The following PTPRM variants were observed in gnomAD, a reference collection of about 807,000 sequenced individuals.
The protein encoded by PTPRM is receptor-type tyrosine-protein phosphatase mu.
PTPRM carries 47 observed loss-of-function variants against 186.7 expected under a neutral mutation model. That is an observed-to-expected ratio of 0.25 (90% confidence interval 0.20 to 0.32). The LOEUF is 0.32. PTPRM is among the 10% of genes least tolerant of loss of function. The probability of loss-of-function intolerance (pLI) is 1.00; values close to 1 mark genes in which losing one functional copy is unlikely to be tolerated. For synonymous variants in PTPRM, 668 were observed against 674.9 expected (o/e 0.99, Z 0.16); for missense variants, 1,494 against 1,865.0 (o/e 0.80, Z 3.66).
chr18:7,567,598 G>A lies in PTPRM; in HGVS notation c.-221G>A, dbSNP rs973163639. On this transcript the variant is annotated 5_prime_UTR_variant, in exon 1 of 33. Transcript: ENST00000580170. The surrounding 1 kb of genome is among the most constrained non-coding windows in gnomAD (Gnocchi z 4.3). ...CTGCCAGCGGCGCCAGACGCCGAGT[G>A]GGGCCAGGGACAGGGGAGGAGGACC... is the stretch of plus-strand genomic sequence containing the variant. 4 of 400,212 alleles carry A rather than the reference G, an allele frequency of 1.0e-5. No homozygotes were observed. Among genetic ancestry groups the A allele is most frequent in the African/African-American group, 2.1e-5 (1 of 48,336 alleles). 24.8% of individuals were successfully genotyped at this position (400,212 alleles called of 1,614,324 possible).
chr18:7,819,867 G>A (rs1349030384), intron 2 of PTPRM, among the ~76,000 whole-genome samples: 1 of 152,154 alleles, frequency 6.6e-6, no homozygotes, highest in Non-Finnish European at 1.5e-5. Flanking sequence ...AGGGGGACAA[G>A]GGATCTCTTC....
intron 1 of PTPRM, among the ~76,000 whole-genome samples, chr18:7,632,546 C>G (rs768100187): frequency 6.6e-6 from 1 of 152,146 alleles, no homozygotes; most frequent in Non-Finnish European, 1.5e-5. Context: ...ATGAACAGAG[C>G]TTTTGGTTTC....
chr18:7,629,129 C>T (rs144072590), intron 1 of PTPRM, among the ~76,000 whole-genome samples: 20 of 152,188 alleles, frequency 1.3e-4, no homozygotes, highest in African/African-American at 1.7e-4. Flanking sequence ...ATTAAGATGG[C>T]GGGGGTGCCA....
At chr18:8,247,747 T>TG in intron 15 of PTPRM, 98 bp from the exon 16 acceptor site, 2 of 827,334 alleles carry the variant, frequency 2.4e-6, no homozygotes, top group East Asian at 4.9e-5. Flanking sequence ...GGAGTCACCG[T>TG]GGGTAGCATG....
At chr18:7,921,441 C>T (rs1053742832) in intron 4 of PTPRM, among the ~76,000 whole-genome samples, 18 of 149,196 alleles carry the variant, frequency 1.2e-4, no homozygotes, top group African/African-American at 3.7e-4. Flanking sequence ...AGTGCAGTGG[C>T]GCAACCTTGG....
intron 1 of PTPRM, among the ~76,000 whole-genome samples, chr18:7,617,869 C>T (rs570824547): frequency 1.3e-5 from 2 of 152,244 alleles, no homozygotes; most frequent in Middle Eastern, 3.4e-3. Context: ...ATTTGGTTTA[C>T]CTACTCTTGG....
chr18:8,138,770 C>T (rs1436317854), intron 13 of PTPRM, among the ~76,000 whole-genome samples: 1 of 152,172 alleles, frequency 6.6e-6, no homozygotes, highest in Non-Finnish European at 1.5e-5. Context: ...TCCTTTCCCT[C>T]CCGCATCATC....
At chr18:8,359,548 G>T (rs945987135) in intron 23 of PTPRM, among the ~76,000 whole-genome samples, 2 of 152,242 alleles carry the variant, frequency 1.3e-5, no homozygotes, top group African/African-American at 4.8e-5. Flanking sequence ...GGCCTCTGTT[G>T]TGTCACTCTG....
chr18:7,683,938 A>G (rs1000390782), intron 1 of PTPRM, among the ~76,000 whole-genome samples: 1 of 152,018 alleles, frequency 6.6e-6, no homozygotes. Flanking sequence ...TTTCTCCCTG[A>G]TATCAGCAGG....
intron 14 of PTPRM, among the ~76,000 whole-genome samples, chr18:8,241,392 T>A (rs1248637387): frequency 7.1e-6 from 1 of 140,884 alleles, no homozygotes; most frequent in Non-Finnish European, 1.5e-5. Flanking sequence ...AGCAATTTGG[T>A]GATAATTATA....
At chr18:7,940,602 G>A (rs763481453) in intron 5 of PTPRM, among the ~76,000 whole-genome samples, 5 of 152,106 alleles carry the variant, frequency 3.3e-5, no homozygotes, top group Non-Finnish European at 5.9e-5. Context: ...ACATGGTGGG[G>A]CTGAGTCAGC....
At chr18:7,812,896 G>A (rs2044605203) in intron 2 of PTPRM, among the ~76,000 whole-genome samples, 1 of 152,118 alleles carries the variant, frequency 6.6e-6, no homozygotes, top group Admixed American at 6.5e-5. Context: ...AGAGGTGCTG[G>A]GTGGATCTTG....
chr18:8,392,714 T>C (rs952025803), intron 31 of PTPRM, among the ~76,000 whole-genome samples: 1 of 151,822 alleles, frequency 6.6e-6, no homozygotes, highest in Non-Finnish European at 1.5e-5. Context: ...TGGACCATTA[T>C]GTGGTTGCAG....
intron 23 of PTPRM, among the ~76,000 whole-genome samples, chr18:8,363,560 G>A (rs11874644): frequency 0.26 from 40,204 of 152,074 alleles, 5,714 homozygotes; most frequent in African/African-American, 0.36. Flanking sequence ...TTATTTCAGA[G>A]TAATCTGTAG....
chr18:7,643,751 T>C (rs1232734223), intron 1 of PTPRM, among the ~76,000 whole-genome samples: 1 of 152,208 alleles, frequency 6.6e-6, no homozygotes, highest in Admixed American at 6.5e-5. Context: ...ATACACAATT[T>C]AAAATAATCT....
intron 15 of PTPRM, among the ~76,000 whole-genome samples, chr18:8,247,383 TGGA>T (rs2147330905): frequency 1.3e-5 from 2 of 152,320 alleles, no homozygotes; most frequent in East Asian, 3.9e-4. Flanking sequence ...TAAAGCATTG[TGGA>T]GTATTCTCTG....
rs1398672808 is a variant in PTPRM, at chr18:7,739,388, ACAT to A, written c.74-34757_74-34755del. Among the ~76,000 whole-genome samples the A allele has an allele frequency of 1.8e-4, 27 of 152,248 alleles. 1 individual carries two copies. The highest frequency in any genetic ancestry group is 1.7e-3 in the Admixed American group (26 of 15,290). The stretch of plus-strand genomic sequence containing the variant: ...ATTGCTCAAATTTGCTTTCTGTCTA[ACAT>A]CATTTCCATAATAAACAGCAAGTAG... On this transcript the variant is annotated intron_variant, in intron 1 of 32. Transcript: ENST00000580170.
chr18:8,081,899 C>G (rs1468925771), intron 9 of PTPRM, among the ~76,000 whole-genome samples: 2 of 152,136 alleles, frequency 1.3e-5, no homozygotes, highest in East Asian at 3.9e-4. Flanking sequence ...GAGAAGGTGT[C>G]TAATTTTTAC....
At chr18:7,743,249 CT>C (rs2040918751) in intron 1 of PTPRM, among the ~76,000 whole-genome samples, 1 of 152,174 alleles carries the variant, frequency 6.6e-6, no homozygotes, top group Non-Finnish European at 1.5e-5. Context: ...GAATTAATGC[CT>C]TTCTTATCAA....
Sources: allele counts gnomAD v4.1 joint callset (sites outside exome capture counted in the v4.1 genomes callset), GRCh38; gene constraint gnomAD v4.1.1; non-coding constraint Gnocchi (gnomAD v3.1); transcripts MANE v1.5; gene names NCBI Gene and HGNC (gene_info 2026-07-23, HGNC 2026-07-21).